DOK6: variants seen among roughly 807,000 people sequenced by gnomAD.
The protein encoded by DOK6 is docking protein 6.
A neutral mutation model predicts 44.0 loss-of-function variants in DOK6; 22 were observed. The ratio of observed to expected loss-of-function variants is 0.50; its 90% CI spans 0.36 to 0.71. DOK6 has a LOEUF of 0.71. DOK6 is among the 30% of genes least tolerant of loss of function. DOK6 has a pLI of 0.00. For synonymous variants in DOK6, 166 were observed against 145.5 expected (o/e 1.14, Z -1.01); for missense variants, 340 against 416.4 (o/e 0.82, Z 1.60).
At chr18:69,485,624 C>G (rs1043773571) in intron 1 of DOK6, among the ~76,000 whole-genome samples, 1 of 152,200 alleles carries the variant, frequency 6.6e-6, no homozygotes, top group African/African-American at 2.4e-5. Flanking sequence ...GGTAAACATT[C>G]AAACATTCAA....
intron 1 of DOK6, among the ~76,000 whole-genome samples, chr18:69,469,287 T>C (rs1980018076): frequency 6.6e-6 from 1 of 152,206 alleles, no homozygotes; most frequent in Non-Finnish European, 1.5e-5. Context: ...TTACTAGTAA[T>C]TATTAGATTT....
At chr18:69,565,246 T>G (rs2144598519) in intron 2 of DOK6, among the ~76,000 whole-genome samples, 1 of 152,320 alleles carries the variant, frequency 6.6e-6, no homozygotes, top group South Asian at 2.1e-4. Flanking sequence ...ATTGGTAGAA[T>G]GCTCAGTAAA....
intron 7 of DOK6, among the ~76,000 whole-genome samples, chr18:69,770,399 T>G (rs1040802041): frequency 6.6e-6 from 1 of 152,262 alleles, no homozygotes; most frequent in South Asian, 2.1e-4. Flanking sequence ...AGAAAACATG[T>G]ATAATCTCTA....
intron 1 of DOK6, among the ~76,000 whole-genome samples, chr18:69,493,413 C>G (rs1490429419): frequency 1.3e-5 from 2 of 152,238 alleles, no homozygotes; most frequent in East Asian, 3.9e-4. Context: ...AAAAAGAGCA[C>G]TAGCATTGCC....
chr18:69,648,344 G>A (rs1471106206), intron 3 of DOK6, among the ~76,000 whole-genome samples: 1 of 152,070 alleles, frequency 6.6e-6, no homozygotes, highest in Non-Finnish European at 1.5e-5. Context: ...CAAAACCAAA[G>A]CCCATTTTCT....
chr18:69,516,801 G>A (rs1981537074), intron 1 of DOK6, among the ~76,000 whole-genome samples: 1 of 151,530 alleles, frequency 6.6e-6, no homozygotes, highest in African/African-American at 2.4e-5. Flanking sequence ...TCAGCCTCCG[G>A]AGAAGCTGGG....
At chr18:69,573,440 T>G (rs562716151) in intron 2 of DOK6, among the ~76,000 whole-genome samples, 1 of 152,118 alleles carries the variant, frequency 6.6e-6, no homozygotes, top group South Asian at 2.1e-4. Context: ...GCTATGAAGA[T>G]GAAAGTTTTT....
Position 69,677,860 on chromosome 18 carries a change from G to A in DOK6, c.409+7G>A, listed in dbSNP as rs1985959924. The A allele has an allele frequency of 6.2e-7, 1 of 1,612,250 alleles. No individual in the cohort carries two copies. Among genetic ancestry groups the A allele is most frequent in the South Asian group, 1.1e-5 (1 of 90,990 alleles). ...GTGCAGCGGGAACAGAATGGTAGGT[G>A]TGAGATTGCCTTCCATCACTTCAGA... On this transcript the variant is annotated splice_region_variant and intron_variant, in intron 4 of 7. Coordinates refer to ENST00000382713, the MANE Select transcript of DOK6 (RefSeq NM_152721.6).
At chr18:69,412,021 T>G (rs1978308429) in intron 1 of DOK6, among the ~76,000 whole-genome samples, 1 of 152,158 alleles carries the variant, frequency 6.6e-6, no homozygotes, top group East Asian at 1.9e-4. Context: ...TTTTCATGTC[T>G]AGAATTATCA....
chr18:69,607,497 A>G (rs79051125), intron 3 of DOK6, among the ~76,000 whole-genome samples: 1 of 127,726 alleles, frequency 7.8e-6, no homozygotes, highest in Non-Finnish European at 1.7e-5. Flanking sequence ...ATTTCCTTGG[A>G]TATAAAAAAA....
intron 4 of DOK6, among the ~76,000 whole-genome samples, chr18:69,678,178 G>A (rs1043462916): frequency 3.9e-5 from 6 of 152,084 alleles, no homozygotes; most frequent in Non-Finnish European, 8.8e-5. Context: ...GAACCTGGGA[G>A]GCAGAGGTTG....
At chr18:69,628,539 G>A (rs1408637813) in intron 3 of DOK6, among the ~76,000 whole-genome samples, 3 of 152,016 alleles carry the variant, frequency 2.0e-5, no homozygotes, top group Non-Finnish European at 4.4e-5. Flanking sequence ...AACAGAGTAG[G>A]ACAATTTTAT....
At chr18:69,551,826 CTTTCCAAAGATGTATTTACATTTTGAAT>C in intron 1 of DOK6, among the ~76,000 whole-genome samples, 1 of 152,256 alleles carries the variant, frequency 6.6e-6, no homozygotes, top group Non-Finnish European at 1.5e-5. Context: ...ATGTTTCACT[CTTTCCAAAGATGTATTTACATTTTGAAT>C]TTTCCAAATT....
chr18:69,440,324 CA>C (rs1209704168), intron 1 of DOK6, among the ~76,000 whole-genome samples: 2 of 151,996 alleles, frequency 1.3e-5, no homozygotes, highest in African/African-American at 4.8e-5. Flanking sequence ...TGAGAATTAC[CA>C]AAATGTGACA....
intron 7 of DOK6, among the ~76,000 whole-genome samples, chr18:69,772,923 A>C (rs969911652): frequency 6.6e-6 from 1 of 152,106 alleles, no homozygotes. Context: ...ATGGAAGAAA[A>C]TATTTGCAAA....
intron 1 of DOK6, among the ~76,000 whole-genome samples, chr18:69,498,049 C>T (rs34731608): frequency 0.17 from 25,262 of 151,876 alleles, 2,701 homozygotes; most frequent in Non-Finnish European, 0.24. Context: ...TCTCTCCACG[C>T]ACACACAAAT....
chr18:69,849,030 C>T lies in DOK6; in HGVS notation c.*7647C>T, dbSNP rs1254398524. On this transcript the variant is annotated 3_prime_UTR_variant, in exon 8 of 8. Transcript: ENST00000382713. ...ATGTTTAAAATGTTACTTATTCCTT[C>T]ACTTATTAGCTTGCTATTTTGAAAA... is the stretch of plus-strand genomic sequence containing the variant. 1 of 152,156 alleles carries T rather than the reference C, an allele frequency of 6.6e-6. No homozygotes were observed. Among genetic ancestry groups the T allele is most frequent in the East Asian group, 1.9e-4 (1 of 5,204 alleles). 9.4% of individuals were successfully genotyped at this position (152,156 alleles called of 1,614,324 possible). A position where few individuals can be genotyped will look rare whatever the true frequency, so the allele number is the denominator to read the frequency against.
chr18:69,656,664 TAAAAC>T (rs1985376529), intron 3 of DOK6, among the ~76,000 whole-genome samples: 3 of 152,176 alleles, frequency 2.0e-5, no homozygotes, highest in African/African-American at 2.4e-5. Flanking sequence ...ACAACAGACT[TAAAAC>T]AAAATATAAG....
At chr18:69,706,474 T>C (rs1038111025) in intron 5 of DOK6, among the ~76,000 whole-genome samples, 28 of 152,262 alleles carry the variant, frequency 1.8e-4, no homozygotes, top group African/African-American at 6.0e-4. Context: ...TAGAGCCTCT[T>C]ATTTTTAAAT....
Sources: gnomAD v4.1 joint callset for allele counts (sites outside exome capture counted in the v4.1 genomes callset) on GRCh38, gnomAD v4.1.1 for gene constraint, MANE v1.5 for transcripts, NCBI Gene and HGNC (gene_info 2026-07-23, HGNC 2026-07-21) for gene names.